Variants in LTBP1 observed in about 807,000 individuals in gnomAD.
LTBP1 encodes the protein latent transforming growth factor beta binding protein 1.
In LTBP1, 129 loss-of-function variants were observed where a neutral mutation model predicts 207.6. That is an observed-to-expected ratio of 0.62 (90% CI 0.54 to 0.72). The LOEUF is 0.72. Ranked by LOEUF, LTBP1 falls within the 30% of genes least tolerant of loss-of-function variation. The probability of loss-of-function intolerance (pLI) is 0.00; values close to 1 mark genes in which losing one functional copy is unlikely to be tolerated. For missense variants in LTBP1, 2,281 were observed against 2,217.2 expected (o/e 1.03, Z -0.58); for synonymous variants, 963 against 833.7 (o/e 1.16, Z -2.67).
intron 5 of LTBP1, among the ~76,000 whole-genome samples, chr2:33,161,363 G>C (rs1035246392): frequency 6.6e-6 from 1 of 151,398 alleles, no homozygotes; most frequent in Non-Finnish European, 1.5e-5. Context: ...CACCTCCCAG[G>C]TTCAAGCAGT....
intron 2 of LTBP1, among the ~76,000 whole-genome samples, chr2:33,017,973 G>C (rs846454): frequency 6.6e-6 from 1 of 151,886 alleles, no homozygotes; most frequent in Non-Finnish European, 1.5e-5. Flanking sequence ...CCTCATCTCC[G>C]TGCTCTAGGG....
chr2:33,031,424 A>G (rs2075685409), intron 3 of LTBP1, among the ~76,000 whole-genome samples: 1 of 152,200 alleles, frequency 6.6e-6, no homozygotes, highest in African/African-American at 2.4e-5. Flanking sequence ...GCAGATATTT[A>G]CTGAGTGCCA....
chr2:33,248,610 G>T (rs2092582476), intron 10 of LTBP1, among the ~76,000 whole-genome samples: 2 of 149,340 alleles, frequency 1.3e-5, no homozygotes, highest in African/African-American at 2.5e-5. Flanking sequence ...TTTTTGAGAG[G>T]GAGTCTTGAT....
At chr2:33,058,443 C>G (rs1285959765) in intron 3 of LTBP1, among the ~76,000 whole-genome samples, 1 of 152,206 alleles carries the variant, frequency 6.6e-6, no homozygotes, top group Non-Finnish European at 1.5e-5. Context: ...CAAAACTCAT[C>G]TAATAACGTC....
chr2:33,159,525 T>C (rs569859472), intron 5 of LTBP1, among the ~76,000 whole-genome samples: 8 of 152,346 alleles, frequency 5.3e-5, no homozygotes, highest in African/African-American at 1.9e-4. Flanking sequence ...AAAATAATAC[T>C]TTCAAATAAT....
chr2:33,280,943 G>T (rs1231027090), intron 19 of LTBP1, among the ~76,000 whole-genome samples: 1 of 152,096 alleles, frequency 6.6e-6, no homozygotes, highest in Non-Finnish European at 1.5e-5. Context: ...CGTGGGGTGT[G>T]TGCCTGTAAT....
At chr2:33,330,915 A>G (rs2094486216) in intron 24 of LTBP1, among the ~76,000 whole-genome samples, 1 of 151,786 alleles carries the variant, frequency 6.6e-6, no homozygotes, top group Non-Finnish European at 1.5e-5. Flanking sequence ...ATGCATTATA[A>G]ACATTTTTAA....
At chr2:32,977,168 G>A (rs113447877) in intron 2 of LTBP1, among the ~76,000 whole-genome samples, 6,016 of 152,320 alleles carry the variant, frequency 0.039, 195 homozygotes, top group Non-Finnish European at 0.067. Context: ...TACCGGCTTT[G>A]GGGGTGGGTG....
At chr2:33,264,763 AG>A (rs1316404520) in intron 15 of LTBP1, among the ~76,000 whole-genome samples, 1 of 152,182 alleles carries the variant, frequency 6.6e-6, no homozygotes, top group Non-Finnish European at 1.5e-5. Context: ...ACATTGCTAA[AG>A]GGAGTATGTG....
intron 2 of LTBP1, 122 bp from the exon 3 acceptor site, chr2:33,020,787 G>T: frequency 1.1e-6 from 1 of 923,462 alleles, no homozygotes; most frequent in East Asian, 2.5e-5. Flanking sequence ...TCCTCCTTAT[G>T]AGTATTTGTG....
At chr2:33,011,013 C>T (rs887695740) in intron 2 of LTBP1, among the ~76,000 whole-genome samples, 13 of 152,114 alleles carry the variant, frequency 8.5e-5, no homozygotes, top group East Asian at 3.8e-4. Flanking sequence ...CCACCAGGCC[C>T]GGCCTAATCC....
chr2:33,039,689 T>C (rs1490342433), intron 3 of LTBP1, among the ~76,000 whole-genome samples: 2 of 152,204 alleles, frequency 1.3e-5, no homozygotes, highest in Non-Finnish European at 2.9e-5. Context: ...AATAATATAA[T>C]CATAGTCAAT....
intron 2 of LTBP1, among the ~76,000 whole-genome samples, chr2:32,988,278 C>T (rs1400002210): frequency 6.6e-6 from 1 of 152,180 alleles, no homozygotes; most frequent in African/African-American, 2.4e-5. Flanking sequence ...AAATTGTACA[C>T]TCTTTTGAGG....
At chr2:32,959,611 A>ATTTTTTTT (rs1558438493) in intron 2 of LTBP1, among the ~76,000 whole-genome samples, 1 of 30,286 alleles carries the variant, frequency 3.3e-5, no homozygotes, top group Non-Finnish European at 7.9e-5. Context: ...ATATATATAT[A>ATTTTTTTT]TATATATATA....
chr2:33,010,133 A>C (rs1444010980), intron 2 of LTBP1, among the ~76,000 whole-genome samples: 3 of 152,200 alleles, frequency 2.0e-5, no homozygotes, highest in African/African-American at 7.2e-5. Flanking sequence ...AGGAGGGACC[A>C]GGCCTCTGTG....
At chr2:33,210,782 G>T (rs551233534) in intron 7 of LTBP1, among the ~76,000 whole-genome samples, 1 of 152,262 alleles carries the variant, frequency 6.6e-6, no homozygotes, top group Admixed American at 6.5e-5. Flanking sequence ...CTGGTGGTTG[G>T]TGTTATGCTT....
At chr2:33,252,971 T>C (rs1289502774) in intron 11 of LTBP1, 127 bp downstream of exon 11, 1 of 728,220 alleles carries the variant, frequency 1.4e-6, no homozygotes, top group African/African-American at 1.8e-5. Context: ...AAATATTTAA[T>C]CACCTTTGTA....
intron 4 of LTBP1, among the ~76,000 whole-genome samples, chr2:33,114,061 C>T (rs1418494449): frequency 6.6e-6 from 1 of 152,264 alleles, no homozygotes; most frequent in African/African-American, 2.4e-5. Context: ...AGGCTAGTCT[C>T]GAACTCCTGA....
intron 23 of LTBP1, among the ~76,000 whole-genome samples, chr2:33,314,934 T>G (rs2094244237): frequency 6.6e-6 from 1 of 152,204 alleles, no homozygotes; most frequent in African/African-American, 2.4e-5. Context: ...TCAAAAATGA[T>G]TGTACATTGG....
Sources: gnomAD v4.1 joint callset for allele counts (sites outside exome capture counted in the v4.1 genomes callset) on GRCh38, gnomAD v4.1.1 for gene constraint, MANE v1.5 for transcripts, NCBI Gene and HGNC (gene_info 2026-07-23, HGNC 2026-07-21) for gene names.